GYPE: variants seen among roughly 807,000 people sequenced by gnomAD.
The protein encoded by GYPE is glycophorin E (MNS blood group).
In GYPE, 8 loss-of-function variants were observed where a neutral mutation model predicts 11.6. The ratio of observed to expected loss-of-function variants is 0.69; its 90% CI spans 0.41 to 1.25. GYPE has a LOEUF of 1.25. GYPE is among the 50% of genes most tolerant of loss of function. GYPE has a pLI of 0.01. For synonymous variants in GYPE, 28 were observed against 29.6 expected (o/e 0.94, Z 0.18); for missense variants, 90 against 92.8 (o/e 0.97, Z 0.12).
At chr4:143,897,341 C>T (rs985249285) in intron 1 of GYPE, among the ~76,000 whole-genome samples, 9 of 151,790 alleles carry the variant, frequency 5.9e-5, no homozygotes, top group Non-Finnish European at 1.5e-5. Context: ...TGGTTGAGCA[C>T]ACCTGAAGTC....
chr4:143,878,748 A>C, intron 2 of GYPE: 1 of 457,092 alleles, frequency 2.2e-6, no homozygotes, highest in Non-Finnish European at 4.5e-6. Flanking sequence ...TTTGGAATCG[A>C]ACTGTTCTGT....
At chr4:143,878,793 T>A (rs1743909305) in intron 2 of GYPE, 1 of 388,568 alleles carries the variant, frequency 2.6e-6, no homozygotes, top group East Asian at 8.3e-5. Context: ...TTGAGAGTTG[T>A]TGGTCAACTT....
At chr4:143,896,949 C>G (rs1261181457) in intron 1 of GYPE, among the ~76,000 whole-genome samples, 1 of 150,366 alleles carries the variant, frequency 6.7e-6, no homozygotes, top group African/African-American at 2.5e-5. Flanking sequence ...TAGATGGGAA[C>G]TGAACAATGA....
intron 1 of GYPE, among the ~76,000 whole-genome samples, chr4:143,901,638 T>TG (rs978194847): frequency 3.3e-4 from 6 of 18,360 alleles, no homozygotes; most frequent in South Asian, 0.053. Flanking sequence ...TAAGAAGGAT[T>TG]GGGTTTTTTT....
intron 1 of GYPE, among the ~76,000 whole-genome samples, chr4:143,891,754 C>A (rs1744415657): frequency 6.6e-6 from 1 of 152,080 alleles, no homozygotes; most frequent in Non-Finnish European, 1.5e-5. Flanking sequence ...TAACTAGAAT[C>A]TTTGGATGTG....
intron 1 of GYPE, among the ~76,000 whole-genome samples, chr4:143,898,378 A>AAAAT (rs1744741531): frequency 6.6e-6 from 1 of 152,186 alleles, no homozygotes; most frequent in South Asian, 2.1e-4. Flanking sequence ...CTCCATCTTC[A>AAAAT]AAATAAATCA....
intron 3 of GYPE, among the ~76,000 whole-genome samples, chr4:143,872,806 A>G (rs1271824489): frequency 1.3e-5 from 2 of 152,120 alleles, no homozygotes; most frequent in Non-Finnish European, 2.9e-5. Flanking sequence ...CCTAAGAAAG[A>G]GCAAGCTTAG....
intron 1 of GYPE, among the ~76,000 whole-genome samples, chr4:143,900,447 G>T (rs1162211487): frequency 8.0e-6 from 1 of 124,964 alleles, no homozygotes; most frequent in Non-Finnish European, 1.7e-5. Flanking sequence ...ATACATCTTT[G>T]AGTATTAAAA....
intron 1 of GYPE, among the ~76,000 whole-genome samples, chr4:143,901,142 A>G (rs373517021): frequency 2.0e-5 from 3 of 152,160 alleles, no homozygotes; most frequent in Non-Finnish European, 4.4e-5. Flanking sequence ...GAAATACCAA[A>G]GTTGATCAAA....
At chr4:143,888,193 C>T (rs1007621838) in intron 1 of GYPE, among the ~76,000 whole-genome samples, 1 of 94,880 alleles carries the variant, frequency 1.1e-5, no homozygotes, top group African/African-American at 3.8e-5. Context: ...TACCAGACCA[C>T]TCAGCTTTCC....
At chr4:143,897,234 C>A (rs1426756488) in intron 1 of GYPE, among the ~76,000 whole-genome samples, 1 of 151,976 alleles carries the variant, frequency 6.6e-6, no homozygotes. Flanking sequence ...GAGGCCAAGG[C>A]AGGAGGATTG....
chr4:143,895,331 C>A (rs1269541065), intron 1 of GYPE, among the ~76,000 whole-genome samples: 1 of 152,076 alleles, frequency 6.6e-6, no homozygotes. Context: ...AATCAAGGTA[C>A]AAAAATCACA....
chr4:143,894,553 G>C (rs1007797772), intron 1 of GYPE, among the ~76,000 whole-genome samples: 1 of 152,042 alleles, frequency 6.6e-6, no homozygotes, highest in Non-Finnish European at 1.5e-5. Flanking sequence ...CTGCAGGTCT[G>C]TCGGAGTTTG....
At chr4:143,896,867 T>A (rs1203119696) in intron 1 of GYPE, among the ~76,000 whole-genome samples, 3 of 152,050 alleles carry the variant, frequency 2.0e-5, no homozygotes, top group Non-Finnish European at 4.4e-5. Context: ...GGGACATGGA[T>A]GAAACTGGAA....
intron 1 of GYPE, among the ~76,000 whole-genome samples, chr4:143,885,061 A>G (rs960974646): frequency 2.2e-4 from 33 of 151,450 alleles, no homozygotes; most frequent in African/African-American, 7.3e-4. Context: ...CAAGATAAGC[A>G]GTCCCTTTGC....
chr4:143,893,387 T>C (rs935078591), intron 1 of GYPE, among the ~76,000 whole-genome samples: 2 of 147,854 alleles, frequency 1.4e-5, no homozygotes, highest in Non-Finnish European at 3.0e-5. Flanking sequence ...CATTAGTTGA[T>C]GCAGTTTCTT....
At chr4:143,901,180 CA>C (rs1167660518) in intron 1 of GYPE, among the ~76,000 whole-genome samples, 1 of 152,038 alleles carries the variant, frequency 6.6e-6, no homozygotes, top group Non-Finnish European at 1.5e-5. Flanking sequence ...TTGTACACTA[CA>C]AACAAAGATG....
At chr4:143,892,965 C>G (rs962770273) in intron 1 of GYPE, among the ~76,000 whole-genome samples, 1 of 146,686 alleles carries the variant, frequency 6.8e-6, no homozygotes, top group Non-Finnish European at 1.5e-5. Flanking sequence ...GTAGGTCACT[C>G]AGGACTTGCT....
chr4:143,896,998 G>T (rs1172576216), intron 1 of GYPE, among the ~76,000 whole-genome samples: 1 of 151,758 alleles, frequency 6.6e-6, no homozygotes, highest in Non-Finnish European at 1.5e-5. Flanking sequence ...CACACTCTGG[G>T]GACTGTTGTG....
Sources: gnomAD v4.1 joint callset for allele counts (sites outside exome capture counted in the v4.1 genomes callset) on GRCh38, gnomAD v4.1.1 for gene constraint, MANE v1.5 for transcripts, NCBI Gene and HGNC (gene_info 2026-07-23, HGNC 2026-07-21) for gene names.